PCDHA6: variants seen among roughly 807,000 people sequenced by gnomAD.
PCDHA6 encodes the protein protocadherin alpha 6.
In PCDHA6, 55 loss-of-function variants were observed where a neutral mutation model predicts 60.3. The ratio of observed to expected loss-of-function variants is 0.91; its 90% CI spans 0.73 to 1.14. The LOEUF (loss-of-function observed/expected upper bound fraction) is 1.14, where lower values mean the gene tolerates loss of function less well. Ranked by LOEUF, PCDHA6 falls within the 50% of genes most tolerant of loss-of-function variation. The pLI is 0.00. For missense variants in PCDHA6, 1,327 were observed against 1,256.5 expected (o/e 1.06, Z -0.85); for synonymous variants, 652 against 557.9 (o/e 1.17, Z -2.38).
chr5:140,926,349 G>A (rs1405832516), intron 1 of PCDHA6: 2 of 152,260 alleles, frequency 1.3e-5, no homozygotes, highest in Admixed American at 1.3e-4. Flanking sequence ...CCCGACGCGC[G>A]GCTCCCAAAG....
intron 3 of PCDHA6, 24 bp from the exon 4 acceptor site, chr5:141,009,603 G>A (rs1554262223): frequency 1.2e-6 from 2 of 1,608,568 alleles, no homozygotes; most frequent in African/African-American, 2.7e-5. Context: ...CCCTGTTAAT[G>A]ATTTGTAATG....
intron 1 of PCDHA6, chr5:140,842,100 C>G: frequency 1.2e-6 from 2 of 1,613,850 alleles, no homozygotes; most frequent in Non-Finnish European, 1.7e-6. Flanking sequence ...AACGGAACAA[C>G]AGTTATCAAA....
At chr5:140,869,180 T>TG in intron 1 of PCDHA6, 1 of 1,613,322 alleles carries the variant, frequency 6.2e-7, no homozygotes. Context: ...TTCTGGGAGG[T>TG]GGGGAGCGGC....
At position 141,010,636 on chromosome 5, in the gene PCDHA6, A is replaced by G; in HGVS notation, c.*699A>G. On this transcript the variant is annotated 3_prime_UTR_variant, in exon 4 of 4. Coordinates refer to ENST00000529310, the MANE Select transcript of PCDHA6 (RefSeq NM_018909.4). ...AAAATCTGCATCATACCTGCAAGCC[A>G]ACAGTTCAGTGTTTTAACAGAGAAC... is the stretch of plus-strand genomic sequence containing the variant. 1 of 183,300 alleles carries G rather than the reference A, an allele frequency of 5.5e-6. No individual in the cohort carries two copies. The highest frequency in any genetic ancestry group is 1.2e-5 in the Non-Finnish European group (1 of 86,478). 11.4% of individuals were successfully genotyped at this position (183,300 alleles called of 1,614,324 possible). A position where few individuals can be genotyped will look rare whatever the true frequency, so the allele number is the denominator to read the frequency against.
intron 1 of PCDHA6, chr5:140,841,230 G>A: frequency 2.1e-6 from 3 of 1,461,326 alleles, no homozygotes; most frequent in Non-Finnish European, 2.8e-6. Context: ...AACAACGGGA[G>A]ATGCAGCGGA....
intron 3 of PCDHA6, among the ~76,000 whole-genome samples, chr5:140,990,983 A>G (rs3776109): frequency 0.049 from 7,423 of 152,298 alleles, 240 homozygotes; most frequent in South Asian, 0.11. Flanking sequence ...AAAGGAAGAC[A>G]ATAGCTACCA....
intron 1 of PCDHA6, chr5:140,858,416 G>A (rs1301119075): frequency 6.4e-7 from 1 of 1,560,804 alleles, no homozygotes; most frequent in African/African-American, 1.4e-5. Context: ...TCAGTCTATT[G>A]GAGGGGACCA....
At chr5:140,881,143 A>G (rs1554171794) in intron 1 of PCDHA6, among the ~76,000 whole-genome samples, 1 of 152,228 alleles carries the variant, frequency 6.6e-6, no homozygotes, top group Non-Finnish European at 1.5e-5. Flanking sequence ...AGTTATAACA[A>G]TAGATAAAAG....
chr5:140,835,910 A>T (rs2150248144), intron 1 of PCDHA6: 1 of 1,612,256 alleles, frequency 6.2e-7, no homozygotes, highest in Non-Finnish European at 8.5e-7. Flanking sequence ...GCTACGTGTC[A>T]GTGCACGCGG....
intron 1 of PCDHA6, among the ~76,000 whole-genome samples, chr5:140,917,535 T>C (rs2078248743): frequency 3.3e-5 from 5 of 152,278 alleles, no homozygotes; most frequent in South Asian, 4.1e-4. Flanking sequence ...TTGTATAGTT[T>C]TAGGTTTTAC....
chr5:140,850,211 CACTGACGGCGCAGTG>C (rs2041429511), intron 1 of PCDHA6: 1 of 1,593,540 alleles, frequency 6.3e-7, no homozygotes, highest in Non-Finnish European at 8.6e-7. Context: ...GGATGAGGGG[CACTGACGGCGCAGTG>C]AGCGAGATGG....
chr5:140,933,853 A>AT (rs2089460601), intron 1 of PCDHA6, among the ~76,000 whole-genome samples: 2 of 151,568 alleles, frequency 1.3e-5, no homozygotes, highest in Non-Finnish European at 3.0e-5. Context: ...TGTACCTTTA[A>AT]TTTTTTCAGA....
chr5:140,981,959 A>C (rs76200785), intron 2 of PCDHA6, among the ~76,000 whole-genome samples: 3,104 of 152,312 alleles, frequency 0.02, 114 homozygotes, highest in African/African-American at 0.071. Flanking sequence ...TCATCTATGC[A>C]TAAAAGATAT....
At chr5:140,856,906 C>A (rs2044264701) in intron 1 of PCDHA6, 5 of 1,596,020 alleles carry the variant, frequency 3.1e-6, no homozygotes, top group Non-Finnish European at 2.6e-6. Flanking sequence ...TGGTCCCACC[C>A]ACGATAAGAA....
chr5:140,909,280 T>C (rs1353122604), intron 1 of PCDHA6, among the ~76,000 whole-genome samples: 3 of 152,212 alleles, frequency 2.0e-5, no homozygotes, highest in African/African-American at 7.2e-5. Flanking sequence ...TTGCTTCTGG[T>C]GGGCCTTATG....
chr5:140,989,685 A>G (rs1393246206), intron 3 of PCDHA6, among the ~76,000 whole-genome samples: 2 of 152,186 alleles, frequency 1.3e-5, no homozygotes, highest in Non-Finnish European at 2.9e-5. Context: ...TTTCAAAGGA[A>G]CGTGAAAATT....
At chr5:140,966,356 C>G (rs1300973653) in intron 1 of PCDHA6, 2 of 400,342 alleles carry the variant, frequency 5.0e-6, no homozygotes, top group Non-Finnish European at 8.8e-6. Flanking sequence ...GGAGATGGGG[C>G]TGGAGAGGCT....
At chr5:140,836,658 T>C (rs2150267080) in intron 1 of PCDHA6, 1 of 1,613,298 alleles carries the variant, frequency 6.2e-7, no homozygotes, top group South Asian at 1.1e-5. Flanking sequence ...GCAGAGGGTG[T>C]GCTCTGGGGA....
rs148067258 is a variant in PCDHA6 at position 140,850,948 on chromosome 5, G to A, written c.2394+20463G>A. The A allele has an allele frequency of 9.7e-3, 14,493 of 1,499,630 alleles. 1,246 individuals are homozygous for A. Among genetic ancestry groups the A allele is most frequent in the Non-Finnish European group, 0.01 (11,557 of 1,116,880 alleles). The allele number at this position is 1,499,630 out of a possible 1,614,324, so 92.9% of individuals were successfully genotyped here. On this transcript the variant is annotated intron_variant, in intron 1 of 3. Coordinates refer to ENST00000529310, the MANE Select transcript of PCDHA6 (RefSeq NM_018909.4). The stretch of plus-strand genomic sequence containing the variant: ...ATTTTTTTTCTTGAAAGATATTATC[G>A]ATTACTCCCAGGGGCCGTTCAAATA...
Sources: gnomAD v4.1 joint callset for allele counts (sites outside exome capture counted in the v4.1 genomes callset) on GRCh38, gnomAD v4.1.1 for gene constraint, MANE v1.5 for transcripts, NCBI Gene and HGNC (gene_info 2026-07-23, HGNC 2026-07-21) for gene names.